ATF7IP: variants seen among roughly 807,000 people sequenced by gnomAD.
ATF7IP encodes activating transcription factor 7 interacting protein, also known as activating transcription factor 7-interacting protein 1.
Under a neutral mutation model 106.4 loss-of-function variants are expected in ATF7IP, and 23 were observed. That is an observed-to-expected ratio of 0.22 (90% CI 0.16 to 0.31). The LOEUF (loss-of-function observed/expected upper bound fraction) is 0.31. ATF7IP is among the 10% of genes least tolerant of loss of function. The pLI, the probability that ATF7IP is intolerant of heterozygous loss-of-function variation, is 1.00. For synonymous variants in ATF7IP, 542 were observed against 539.0 expected, an observed-to-expected ratio of 1.01 and a Z score of -0.08; for missense variants, 1,334 against 1,524.3, an observed-to-expected ratio of 0.88 and a Z score of 2.08.
chr12:14,410,863 C>T (rs1293407089), intron 1 of ATF7IP, among the ~76,000 whole-genome samples: 3 of 152,038 alleles, frequency 2.0e-5, no homozygotes, highest in African/African-American at 4.8e-5. Context: ...GGGGGAATAC[C>T]GTAAATGGAA....
intron 6 of ATF7IP, among the ~76,000 whole-genome samples, chr12:14,447,771 C>T (rs1565520301): frequency 1.3e-5 from 2 of 152,032 alleles, no homozygotes; most frequent in Admixed American, 6.6e-5. Flanking sequence ...TCCTTTCTTC[C>T]CCATGTAGTC....
At chr12:14,494,186 C>G (rs544542399) in intron 13 of ATF7IP, among the ~76,000 whole-genome samples, 1 of 149,306 alleles carries the variant, frequency 6.7e-6, no homozygotes, top group African/African-American at 2.5e-5. Context: ...AACCCCAAAA[C>G]CAATGAAAGA....
rs544601264 is a variant in ATF7IP at position 14,400,347 on chromosome 12, TTTA to T, written c.-7-23557_-7-23555del. 1.6e-4 allele frequency among the ~76,000 whole-genome samples: 25 copies of T among 152,352 alleles called. 1 individual carries two copies. In the East Asian group the frequency reaches 4.2e-3, roughly 26 times the overall value. ...GCTTACAGTATCTAAGTACTTTCTA[TTTA>T]TTATGTCATTTAATTCCCATAACAT... On this transcript the variant is annotated intron_variant, in intron 1 of 14. Transcript: ENST00000261168.
At chr12:14,463,987 A>G (rs1943735601) in intron 9 of ATF7IP, among the ~76,000 whole-genome samples, 1 of 152,166 alleles carries the variant, frequency 6.6e-6, no homozygotes, top group Non-Finnish European at 1.5e-5. Context: ...ACTCTCTCAG[A>G]TTTCATTAAA....
intron 13 of ATF7IP, among the ~76,000 whole-genome samples, chr12:14,494,332 T>TATTC (rs1158646205): frequency 3.0e-4 from 35 of 115,762 alleles, no homozygotes; most frequent in Non-Finnish European, 3.8e-4. Flanking sequence ...TATATATATA[T>TATTC]ATGTGTGTGT....
intron 1 of ATF7IP, among the ~76,000 whole-genome samples, chr12:14,388,366 A>G (rs936460765): frequency 2.0e-5 from 3 of 146,708 alleles, no homozygotes; most frequent in Non-Finnish European, 4.5e-5. Context: ...TTTTTTTTCA[A>G]GACGGAGTCT....
At chr12:14,419,662 T>C (rs1341561194) in intron 1 of ATF7IP, among the ~76,000 whole-genome samples, 1 of 152,106 alleles carries the variant, frequency 6.6e-6, no homozygotes, top group Non-Finnish European at 1.5e-5. Flanking sequence ...TAGCAAAACT[T>C]TGTAATGATG....
At chr12:14,404,293 C>T (rs1341232354) in intron 1 of ATF7IP, among the ~76,000 whole-genome samples, 1 of 152,094 alleles carries the variant, frequency 6.6e-6, no homozygotes, top group Non-Finnish European at 1.5e-5. Flanking sequence ...TTAAAATCTA[C>T]ATACAGGAAC....
intron 1 of ATF7IP, among the ~76,000 whole-genome samples, chr12:14,392,020 C>T (rs1402764338): frequency 6.6e-6 from 1 of 152,076 alleles, no homozygotes; most frequent in Admixed American, 6.5e-5. Flanking sequence ...CATGCCTGGC[C>T]AAGTCTTAGG....
intron 2 of ATF7IP, among the ~76,000 whole-genome samples, chr12:14,427,643 C>T (rs773890374): frequency 7.2e-5 from 11 of 152,254 alleles, no homozygotes; most frequent in Non-Finnish European, 1.6e-4. Flanking sequence ...GGATTACAAG[C>T]GTGAGCCACC....
rs368031485 is a variant in ATF7IP, at chr12:14,434,474, G to A, written c.1645+51G>A. On this transcript the variant is annotated intron_variant, in intron 3 of 14. Transcript: ENST00000261168. ...CTGGATTGAAAAATAATAATTCACT[G>A]TTTCTATATTTACAACCGTGTAATA... The A allele has an allele frequency of 6.7e-5, 74 of 1,107,124 alleles. No homozygotes were observed. The African/African-American group carries it at 8.5e-4, about 13-fold the overall frequency. The allele number at this position is 1,107,124 out of a possible 1,614,324, so 68.6% of individuals were successfully genotyped here.
intron 13 of ATF7IP, among the ~76,000 whole-genome samples, chr12:14,489,293 C>T (rs1466362354): frequency 6.6e-6 from 1 of 152,176 alleles, no homozygotes; most frequent in African/African-American, 2.4e-5. Context: ...CCGGGACAGT[C>T]ACCACAGCCA....
intron 1 of ATF7IP, among the ~76,000 whole-genome samples, chr12:14,375,151 A>T (rs1264836997): frequency 6.6e-6 from 1 of 151,730 alleles, no homozygotes; most frequent in Non-Finnish European, 1.5e-5. Flanking sequence ...GAAAAAAAAA[A>T]GGGAATAAGA....
At chr12:14,485,686 G>C (rs1419405351) in intron 13 of ATF7IP, among the ~76,000 whole-genome samples, 2 of 152,158 alleles carry the variant, frequency 1.3e-5, no homozygotes, top group African/African-American at 4.8e-5. Flanking sequence ...AATTGCTTCT[G>C]GTGGGCCTTA....
At chr12:14,465,205 C>G (rs1365829595) in intron 9 of ATF7IP, among the ~76,000 whole-genome samples, 1 of 151,664 alleles carries the variant, frequency 6.6e-6, no homozygotes, top group Non-Finnish European at 1.5e-5. Context: ...CAGCAAGACT[C>G]TGTCTCAAAA....
rs577312776 is a variant in ATF7IP, at chr12:14,454,924, A to G, written c.1996-1637A>G. The stretch of plus-strand genomic sequence containing the variant: ...CCAGGCACAGTAGCTCATGCCTGTA[A>G]TCCCAGCACTTTGGGAGGCTGAGGC... On this transcript the variant is annotated intron_variant, in intron 6 of 14. Coordinates refer to ENST00000261168, the MANE Select transcript of ATF7IP (RefSeq NM_018179.5). 1.2e-4 allele frequency among the ~76,000 whole-genome samples: 18 copies of G among 152,322 alleles called. No individual in the cohort carries two copies. The South Asian group carries it at 3.7e-3, about 32-fold the overall frequency.
intron 2 of ATF7IP, among the ~76,000 whole-genome samples, chr12:14,431,065 T>C (rs892037466): frequency 6.6e-6 from 1 of 152,198 alleles, no homozygotes; most frequent in African/African-American, 2.4e-5. Context: ...AATGGGAAAC[T>C]AAGTCCCCTA....
At chr12:14,448,913 A>C (rs1336616594) in intron 6 of ATF7IP, among the ~76,000 whole-genome samples, 1 of 152,302 alleles carries the variant, frequency 6.6e-6, no homozygotes, top group Non-Finnish European at 1.5e-5. Flanking sequence ...GATGTTGAGC[A>C]TCTTTTCATA....
At chr12:14,430,086 G>T (rs1254026002) in intron 2 of ATF7IP, among the ~76,000 whole-genome samples, 1 of 152,190 alleles carries the variant, frequency 6.6e-6, no homozygotes, top group African/African-American at 2.4e-5. Flanking sequence ...TGGCATTTCA[G>T]TGTTTAGGGT....
Sources: gnomAD v4.1 joint callset for allele counts (sites outside exome capture counted in the v4.1 genomes callset) on GRCh38, gnomAD v4.1.1 for gene constraint, MANE v1.5 for transcripts, NCBI Gene and HGNC (gene_info 2026-07-23, HGNC 2026-07-21) for gene names.